Variants in COL4A6 observed in about 807,000 individuals in gnomAD.
COL4A6 encodes collagen type IV alpha 6 chain.
In COL4A6, 59 loss-of-function variants were observed where a neutral mutation model predicts 126.7. The observed-to-expected ratio is 0.47, with a 90% confidence interval of 0.38 to 0.58. The LOEUF (loss-of-function observed/expected upper bound fraction) is 0.58, where lower values mean the gene tolerates loss of function less well. Ranked by LOEUF, COL4A6 falls within the 20% of genes least tolerant of loss-of-function variation. The probability of loss-of-function intolerance (pLI) is 0.00; values close to 1 mark genes in which losing one functional copy is unlikely to be tolerated. For missense variants in COL4A6, 1,285 were observed against 1,337.3 expected (o/e 0.96, Z 0.61); for synonymous variants, 547 against 496.6 (o/e 1.10, Z -1.35).
At chrX:108,435,978 C>T (rs1240430181) in intron 2 of COL4A6, among the ~76,000 whole-genome samples, 2 of 111,462 alleles carry the variant, frequency 1.8e-5, no homozygotes, top group Admixed American at 1.9e-4. Flanking sequence ...GTGTAGAATA[C>T]GAGAACCAGC....
In COL4A6 at chrX:108,169,603, C is replaced by T. The variant is rs1211988039; in HGVS notation, c.3583G>A (p.Val1195Met). The T allele has an allele frequency of 8.3e-7, 1 of 1,210,484 alleles. No homozygotes were observed. The highest frequency in any genetic ancestry group is 1.1e-6 in the Non-Finnish European group (1 of 894,946). ...CCAGGGAGACCAGCAGGCCCAGGCA[C>T]ACCGGTGATACTAGGTCCTAGGAGG... is the stretch of plus-strand genomic sequence containing the variant. ...HGTPGPSITGVPGPAGLPGPK... is the reference protein window; with the variant it reads ...HGTPGPSITGMPGPAGLPGPK... Residue 1195 changes from valine (V) to methionine (M), a missense_variant, in exon 37 of 45, where the codon GTG (valine) becomes ATG (methionine). Transcript: ENST00000334504.
chrX:108,170,812 G>A lies in COL4A6; in HGVS notation c.3383C>T (p.Pro1128Leu), dbSNP rs1440321318. The A allele has an allele frequency of 8.3e-7, 1 of 1,209,757 alleles. No individual in the cohort carries two copies. Among genetic ancestry groups the A allele is most frequent in the Non-Finnish European group, 1.1e-6 (1 of 894,299 alleles). Residue 1128 changes from proline (P) to leucine (L), a missense_variant and splice_region_variant, in exon 34 of 45, where the codon CCA becomes CTA. By Grantham distance (98) the Pro-to-Leu change is moderately conservative (BLOSUM62 -3). Coordinates refer to ENST00000334504, the MANE Select transcript of COL4A6 (RefSeq NM_033641.4). ...AAGGTTATCATGTGGCATGGTACCT[G>A]GAGCTCCAGGAAGGCCAACATCTCC... ...VSGDVGLPGA[P>L]GFPGVAGMRG... is the part of the protein sequence containing the mutation.
chrX:108,245,926 T>G (rs764765556), intron 3 of COL4A6, among the ~76,000 whole-genome samples: 1 of 112,153 alleles, frequency 8.9e-6, no homozygotes, highest in African/African-American at 3.2e-5. Context: ...ATAGACTGTA[T>G]AGAAGTGGCC....
At chrX:108,214,903 C>T (rs1016319023) in intron 5 of COL4A6, among the ~76,000 whole-genome samples, 4 of 112,388 alleles carry the variant, frequency 3.6e-5, no homozygotes, top group Non-Finnish European at 7.5e-5. Flanking sequence ...TCATACAATT[C>T]ATCTGAATTC....
At chrX:108,288,230 T>G (rs1232963774) in intron 3 of COL4A6, among the ~76,000 whole-genome samples, 1 of 112,028 alleles carries the variant, frequency 8.9e-6, no homozygotes, top group Non-Finnish European at 1.9e-5. Context: ...AAGCTAAGAT[T>G]TTTAGAGCAG....
chrX:108,204,460 GT>G, intron 11 of COL4A6, 48 bp from the exon 12 acceptor site: 1 of 1,085,882 alleles, frequency 9.2e-7, no homozygotes, highest in South Asian at 1.9e-5. Context: ...CACACCGACC[GT>G]TTTTCCAGAG....
At chrX:108,365,301 A>T (rs1180138686) in intron 2 of COL4A6, among the ~76,000 whole-genome samples, 4 of 112,046 alleles carry the variant, frequency 3.6e-5, no homozygotes, top group Non-Finnish European at 3.8e-5. Context: ...CCCAACAACT[A>T]GTGCTGTGTC....
At chrX:108,389,299 T>C (rs1480017738) in intron 2 of COL4A6, among the ~76,000 whole-genome samples, 3 of 111,691 alleles carry the variant, frequency 2.7e-5, no homozygotes, top group Non-Finnish European at 5.6e-5. Flanking sequence ...TTGATCTGTC[T>C]AATATTGACA....
At chrX:108,210,067 C>A in intron 7 of COL4A6, 63 bp from the exon 8 acceptor site, 1 of 1,102,283 alleles carries the variant, frequency 9.1e-7, no homozygotes, top group Non-Finnish European at 1.2e-6. Flanking sequence ...TTTCAGATAA[C>A]TAACCTAACA....
chrX:108,186,377 A>G (rs963865), intron 23 of COL4A6, among the ~76,000 whole-genome samples: 133 of 111,872 alleles, frequency 1.2e-3, no homozygotes, highest in African/African-American at 4.1e-3. Flanking sequence ...ATATAAGAGG[A>G]ATTGCAAAGG....
rs759254320 is a variant in COL4A6 at position 108,192,416 on chromosome X, G to T, written c.1180+57C>A. ...ACCCAGAGGTATAGAAGGGAATGCT[G>T]GGAACCACAGTGTATAGAGGACTGA... On this transcript the variant is annotated intron_variant, in intron 18 of 44. Transcript: ENST00000334504. 152 of 881,338 alleles carry T rather than the reference G, an allele frequency of 1.7e-4. No individual in the cohort carries two copies. In the African/African-American group the frequency reaches 2.8e-3, roughly 16 times the overall value. 72.6% of individuals were successfully genotyped at this position (881,338 alleles called of 1,213,427 possible). A position where few individuals can be genotyped will look rare whatever the true frequency, so the allele number is the denominator to read the frequency against.
At chrX:108,295,343 T>C (rs771838699) in intron 3 of COL4A6, among the ~76,000 whole-genome samples, 1 of 112,020 alleles carries the variant, frequency 8.9e-6, no homozygotes, top group African/African-American at 3.2e-5. Context: ...CCCAGATGGA[T>C]ACTGAAGGAT....
chrX:108,360,296 A>T (rs747573413), intron 2 of COL4A6, among the ~76,000 whole-genome samples: 1 of 112,175 alleles, frequency 8.9e-6, no homozygotes, highest in African/African-American at 3.2e-5. Context: ...TGTTGGGAAT[A>T]CAAGGACACA....
At chrX:108,419,511 C>G (rs950807731) in intron 2 of COL4A6, among the ~76,000 whole-genome samples, 2 of 111,938 alleles carry the variant, frequency 1.8e-5, no homozygotes, top group Non-Finnish European at 3.8e-5. Flanking sequence ...AGATTAAAGA[C>G]CAGATTCTTT....
intron 3 of COL4A6, among the ~76,000 whole-genome samples, chrX:108,306,258 G>A: frequency 8.9e-6 from 1 of 112,447 alleles, no homozygotes. Flanking sequence ...ATTAGTGTCA[G>A]CAATAGGGCC....
At chrX:108,381,234 GTAACATAAA>G (rs765657452) in intron 2 of COL4A6, among the ~76,000 whole-genome samples, 23 of 111,583 alleles carry the variant, frequency 2.1e-4, no homozygotes, top group African/African-American at 7.5e-4. Flanking sequence ...GGATAGTCAG[GTAACATAAA>G]TAAGGTAAGC....
intron 2 of COL4A6, among the ~76,000 whole-genome samples, chrX:108,362,050 C>T (rs2040096616): frequency 9.3e-6 from 1 of 107,390 alleles, no homozygotes; most frequent in Non-Finnish European, 1.9e-5. Context: ...TTCCATCAAA[C>T]TAGTTTGTGT....
intron 22 of COL4A6, 46 bp from the exon 23 acceptor site, chrX:108,187,325 T>A: frequency 1.4e-5 from 14 of 1,022,979 alleles, no homozygotes; most frequent in Non-Finnish European, 1.6e-5. Context: ...CTCAGAGATT[T>A]ATCTGGACAG....
chrX:108,306,777 G>A (rs1189529328), intron 3 of COL4A6, among the ~76,000 whole-genome samples: 1 of 111,262 alleles, frequency 9.0e-6, no homozygotes, highest in Non-Finnish European at 1.9e-5. Context: ...CATAAAATGG[G>A]GGACAAACAG....
Sources: allele counts gnomAD v4.1 joint callset (sites outside exome capture counted in the v4.1 genomes callset), GRCh38; gene constraint gnomAD v4.1.1; transcripts MANE v1.5; gene names NCBI Gene and HGNC (gene_info 2026-07-23, HGNC 2026-07-21).